The following NKAIN2 variants were observed in gnomAD, a reference collection of about 807,000 sequenced individuals.
The protein encoded by NKAIN2 is sodium/potassium transporting ATPase interacting 2.
Under a neutral mutation model 32.6 loss-of-function variants are expected in NKAIN2, and 14 were observed. That is an observed-to-expected ratio of 0.43 (90% CI 0.28 to 0.67). NKAIN2 has a LOEUF of 0.67. Among genes scored for constraint, NKAIN2 ranks in the 30% least tolerant of loss-of-function variants. The pLI is 0.17. For synonymous variants in NKAIN2, 80 were observed against 87.2 expected, an observed-to-expected ratio of 0.92 and a Z score of 0.46; for missense variants, 198 against 258.3, an observed-to-expected ratio of 0.77 and a Z score of 1.60.
At chr6:124,163,565 T>G (rs1788384004) in intron 1 of NKAIN2, among the ~76,000 whole-genome samples, 1 of 152,048 alleles carries the variant, frequency 6.6e-6, no homozygotes, top group Admixed American at 6.6e-5. Flanking sequence ...AGAACCTATG[T>G]AAAATGGTAA....
chr6:124,089,732 C>G (rs748259204), intron 1 of NKAIN2, among the ~76,000 whole-genome samples: 19 of 151,974 alleles, frequency 1.3e-4, no homozygotes, highest in Non-Finnish European at 2.5e-4. Flanking sequence ...TTAGCATATT[C>G]CATGAAAATA....
chr6:124,277,502 A>G (rs1795093506), intron 1 of NKAIN2, among the ~76,000 whole-genome samples: 1 of 150,994 alleles, frequency 6.6e-6, no homozygotes, highest in Non-Finnish European at 1.5e-5. Flanking sequence ...TAACAGGCTA[A>G]TTTTACTTGT....
chr6:124,818,657 A>C (rs1226302071), intron 6 of NKAIN2, among the ~76,000 whole-genome samples, 189 bp downstream of exon 6: 2 of 152,122 alleles, frequency 1.3e-5, no homozygotes, highest in Non-Finnish European at 2.9e-5. Flanking sequence ...TTTGACTTAT[A>C]AGAAATGCCA....
chr6:124,388,736 G>A (rs968641316), intron 3 of NKAIN2, among the ~76,000 whole-genome samples: 5 of 152,026 alleles, frequency 3.3e-5, no homozygotes, highest in Non-Finnish European at 1.5e-5. Context: ...TAATGCACAC[G>A]TTCTTAGCTG....
intron 3 of NKAIN2, among the ~76,000 whole-genome samples, chr6:124,416,251 A>G (rs567770501): frequency 1.3e-5 from 2 of 152,296 alleles, no homozygotes; most frequent in South Asian, 2.1e-4. Context: ...GGGTAACAAT[A>G]ACAGTTTATC....
At chr6:124,582,381 A>G (rs1285938620) in intron 3 of NKAIN2, among the ~76,000 whole-genome samples, 3 of 152,176 alleles carry the variant, frequency 2.0e-5, no homozygotes, top group Non-Finnish European at 2.9e-5. Context: ...GTTAATTCCT[A>G]GACACTTGCA....
intron 4 of NKAIN2, among the ~76,000 whole-genome samples, chr6:124,707,328 T>G (rs1026048458): frequency 2.0e-5 from 3 of 152,018 alleles, no homozygotes; most frequent in African/African-American, 7.3e-5. Flanking sequence ...TATAGCAGAA[T>G]GATTTATAGT....
intron 4 of NKAIN2, among the ~76,000 whole-genome samples, chr6:124,773,704 A>T (rs151022432): frequency 1.7e-3 from 266 of 152,338 alleles, no homozygotes; most frequent in African/African-American, 6.1e-3. Context: ...TTAACTTCAG[A>T]AACACAATAA....
At chr6:124,695,583 T>C (rs1774459639) in intron 4 of NKAIN2, among the ~76,000 whole-genome samples, 1 of 152,262 alleles carries the variant, frequency 6.6e-6, no homozygotes, top group Non-Finnish European at 1.5e-5. Context: ...TTTTAAGCCA[T>C]GTCTATTTTA....
At chr6:123,872,587 A>G (rs1470092702) in intron 1 of NKAIN2, among the ~76,000 whole-genome samples, 2 of 152,224 alleles carry the variant, frequency 1.3e-5, no homozygotes, top group African/African-American at 4.8e-5. Context: ...AGACCACTGA[A>G]TGAATTTGCT....
intron 3 of NKAIN2, among the ~76,000 whole-genome samples, chr6:124,596,663 G>GT (rs1782099434): frequency 2.0e-4 from 28 of 142,602 alleles, no homozygotes; most frequent in African/African-American, 6.2e-4. Flanking sequence ...TAAACCATAG[G>GT]GTGTGTGTGT....
At chr6:124,115,034 G>T (rs1384687416) in intron 1 of NKAIN2, among the ~76,000 whole-genome samples, 1 of 152,224 alleles carries the variant, frequency 6.6e-6, no homozygotes, top group Non-Finnish European at 1.5e-5. Context: ...AAATGTGTGT[G>T]TGTATGTATT....
intron 6 of NKAIN2, among the ~76,000 whole-genome samples, chr6:124,822,032 G>C (rs951736853): frequency 6.6e-6 from 1 of 152,154 alleles, no homozygotes; most frequent in African/African-American, 2.4e-5. Flanking sequence ...TAATTTGCTT[G>C]TTTGTATTCT....
intron 3 of NKAIN2, among the ~76,000 whole-genome samples, chr6:124,383,671 G>A (rs1171542829): frequency 6.6e-6 from 1 of 152,144 alleles, no homozygotes. Context: ...TCTCAAGGAA[G>A]TTTTCTCTCC....
chr6:124,545,416 T>C (rs1780061216), intron 3 of NKAIN2, among the ~76,000 whole-genome samples: 2 of 152,132 alleles, frequency 1.3e-5, no homozygotes, highest in Non-Finnish European at 2.9e-5. Context: ...GATAAGTCAT[T>C]GGCAAGGTAG....
chr6:124,158,890 G>C (rs1351103320), intron 1 of NKAIN2, among the ~76,000 whole-genome samples: 1 of 152,128 alleles, frequency 6.6e-6, no homozygotes, highest in African/African-American at 2.4e-5. Flanking sequence ...AAAAACGTTT[G>C]CTTTCGGAGT....
chr6:123,973,092 A>G (rs1778413743), intron 1 of NKAIN2, among the ~76,000 whole-genome samples: 1 of 152,080 alleles, frequency 6.6e-6, no homozygotes, highest in African/African-American at 2.4e-5. Flanking sequence ...TTGACCCAGG[A>G]AAATTTGGGT....
At chr6:124,121,502 C>G (rs927466220) in intron 1 of NKAIN2, among the ~76,000 whole-genome samples, 1 of 151,972 alleles carries the variant, frequency 6.6e-6, no homozygotes, top group African/African-American at 2.4e-5. Flanking sequence ...TAATAATACA[C>G]ATCATTGATG....
At chr6:124,306,238 C>A (rs940477111) in intron 2 of NKAIN2, among the ~76,000 whole-genome samples, 29 of 152,106 alleles carry the variant, frequency 1.9e-4, no homozygotes, top group Non-Finnish European at 2.6e-4. Flanking sequence ...AAATAAATGT[C>A]TGCTCCATGG....
Sources: gnomAD v4.1 joint callset for allele counts (sites outside exome capture counted in the v4.1 genomes callset) on GRCh38, gnomAD v4.1.1 for gene constraint, MANE v1.5 for transcripts, NCBI Gene and HGNC (gene_info 2026-07-23, HGNC 2026-07-21) for gene names.